Variants in FGF14 observed in about 807,000 individuals in gnomAD.
FGF14 encodes fibroblast growth factor homologous factor 4.
Under a neutral mutation model 25.5 loss-of-function variants are expected in FGF14, and 5 were observed. The ratio of observed to expected loss-of-function variants is 0.20; its 90% CI spans 0.10 to 0.41. The LOEUF (loss-of-function observed/expected upper bound fraction) is 0.41, where lower values mean the gene tolerates loss of function less well. Ranked by LOEUF, FGF14 falls within the 10% of genes least tolerant of loss-of-function variation. The pLI is 1.00. For missense variants in FGF14, 222 were observed against 320.1 expected (o/e 0.69, Z 2.34); for synonymous variants, 138 against 118.3 (o/e 1.17, Z -1.08).
intron 1 of FGF14, among the ~76,000 whole-genome samples, chr13:101,908,052 A>G (rs770890720): frequency 2.0e-5 from 3 of 152,224 alleles, no homozygotes; most frequent in Non-Finnish European, 2.9e-5. Flanking sequence ...AAGTAAGGAT[A>G]TAGCTGAGAG....
At chr13:101,972,639 T>C (rs80131685) in intron 1 of FGF14, among the ~76,000 whole-genome samples, 1 of 151,750 alleles carries the variant, frequency 6.6e-6, no homozygotes, top group Non-Finnish European at 1.5e-5. Flanking sequence ...ATCTTATTGA[T>C]AAATTCTTTC....
At chr13:101,748,506 G>T (rs1010709183) in intron 3 of FGF14, among the ~76,000 whole-genome samples, 1 of 151,204 alleles carries the variant, frequency 6.6e-6, no homozygotes, top group Non-Finnish European at 1.5e-5. Context: ...GGAGGGGGAC[G>T]ACAGATAAAT....
intron 1 of FGF14, among the ~76,000 whole-genome samples, chr13:102,141,722 T>C (rs2046650639): frequency 6.6e-6 from 1 of 152,188 alleles, no homozygotes; most frequent in Non-Finnish European, 1.5e-5. Context: ...GTTAACACTA[T>C]TTAGTTATTT....
intron 1 of FGF14, among the ~76,000 whole-genome samples, chr13:102,250,349 A>T (rs1349319442): frequency 6.6e-6 from 1 of 152,196 alleles, no homozygotes; most frequent in Non-Finnish European, 1.5e-5. Context: ...CTTCTTTGGA[A>T]TCTTAATTTT....
At chr13:102,359,305 A>G (rs556431810) in intron 1 of FGF14, among the ~76,000 whole-genome samples, 1 of 152,362 alleles carries the variant, frequency 6.6e-6, no homozygotes, top group Admixed American at 6.5e-5. Flanking sequence ...CATCCTGCAC[A>G]TGTATCCAAG....
chr13:102,314,988 T>C (rs2055949638), intron 1 of FGF14, among the ~76,000 whole-genome samples: 1 of 149,508 alleles, frequency 6.7e-6, no homozygotes, highest in Non-Finnish European at 1.5e-5. Flanking sequence ...ATAAATAACA[T>C]ATTAATGTAT....
At chr13:102,268,582 C>G (rs1055990738) in intron 1 of FGF14, among the ~76,000 whole-genome samples, 1 of 151,828 alleles carries the variant, frequency 6.6e-6, no homozygotes, top group Non-Finnish European at 1.5e-5. Context: ...ATAAAGGAAA[C>G]TAGGGATGAT....
intron 1 of FGF14, among the ~76,000 whole-genome samples, chr13:102,161,656 A>AAGG (rs2047738592): frequency 1.9e-4 from 5 of 26,214 alleles, no homozygotes; most frequent in Admixed American, 3.6e-4. Context: ...GAAGAAGAAG[A>AAGG]AGAAGAAGAA....
chr13:102,345,370 T>C (rs1362816365), intron 1 of FGF14, among the ~76,000 whole-genome samples: 4 of 152,252 alleles, frequency 2.6e-5, no homozygotes, highest in African/African-American at 4.8e-5. Context: ...TTATTAAACA[T>C]GGCACTACTT....
chr13:102,260,736 C>T (rs2052677522), intron 1 of FGF14, among the ~76,000 whole-genome samples: 1 of 152,222 alleles, frequency 6.6e-6, no homozygotes, highest in South Asian at 2.1e-4. Flanking sequence ...TTAGAACCTT[C>T]ATCCTACCCA....
At chr13:102,065,297 C>T (rs557843645) in intron 1 of FGF14, among the ~76,000 whole-genome samples, 34 of 152,152 alleles carry the variant, frequency 2.2e-4, no homozygotes, top group African/African-American at 6.5e-4. Flanking sequence ...CATTCATATA[C>T]GATCTACTGT....
chr13:101,992,385 C>T (rs1221127322), intron 1 of FGF14, among the ~76,000 whole-genome samples: 2 of 151,916 alleles, frequency 1.3e-5, no homozygotes, highest in African/African-American at 4.8e-5. Context: ...TTCCTTTTGC[C>T]CAATTCATCA....
chr13:102,163,052 G>A (rs2047846809), intron 1 of FGF14, among the ~76,000 whole-genome samples: 6 of 152,082 alleles, frequency 3.9e-5, no homozygotes, highest in Admixed American at 3.9e-4. Context: ...CATATAGAGG[G>A]ATTCATACGT....
intron 1 of FGF14, among the ~76,000 whole-genome samples, chr13:101,881,963 T>A (rs1260533692): frequency 6.6e-6 from 1 of 152,168 alleles, no homozygotes; most frequent in East Asian, 1.9e-4. Context: ...AGTACATATG[T>A]CCCAGATTAT....
At chr13:101,826,375 C>T (rs1407316476) in intron 3 of FGF14, among the ~76,000 whole-genome samples, 2 of 152,006 alleles carry the variant, frequency 1.3e-5, no homozygotes, top group East Asian at 3.9e-4. Flanking sequence ...TCACTAAATA[C>T]CCACATTGAC....
chr13:102,180,423 C>T (rs1314086881), intron 1 of FGF14, among the ~76,000 whole-genome samples: 1 of 152,050 alleles, frequency 6.6e-6, no homozygotes, highest in Non-Finnish European at 1.5e-5. Flanking sequence ...AGCGATTCTC[C>T]TCCCTCAGCC....
intron 1 of FGF14, among the ~76,000 whole-genome samples, chr13:102,223,702 C>A (rs943324587): frequency 5.3e-5 from 8 of 152,112 alleles, no homozygotes; most frequent in African/African-American, 1.9e-4. Context: ...TTTATCCTAT[C>A]TGTTTCAATC....
intron 1 of FGF14, among the ~76,000 whole-genome samples, chr13:101,982,794 A>G (rs2139621214): frequency 6.6e-6 from 1 of 152,318 alleles, no homozygotes; most frequent in African/African-American, 2.4e-5. Flanking sequence ...TGACTTAAAT[A>G]TTTTATCTTG....
intron 1 of FGF14, among the ~76,000 whole-genome samples, chr13:102,091,266 A>G (rs2044152458): frequency 6.6e-6 from 1 of 152,094 alleles, no homozygotes; most frequent in African/African-American, 2.4e-5. Context: ...GCTCTGCTTT[A>G]TGCTGCTGGG....
Sources: gnomAD v4.1 joint callset for allele counts (sites outside exome capture counted in the v4.1 genomes callset) on GRCh38, gnomAD v4.1.1 for gene constraint, MANE v1.5 for transcripts, NCBI Gene and HGNC (gene_info 2026-07-23, HGNC 2026-07-21) for gene names.